Variants in NRG1 observed in about 807,000 individuals in gnomAD.
NRG1 encodes the protein pro-neuregulin-1, membrane-bound isoform.
NRG1 carries 18 observed loss-of-function variants against 63.8 expected under a neutral mutation model. The observed-to-expected ratio is 0.28, with a 90% CI of 0.19 to 0.42. The LOEUF (loss-of-function observed/expected upper bound fraction) is 0.42. Ranked by LOEUF, NRG1 falls within the 10% of genes least tolerant of loss-of-function variation. NRG1 has a pLI of 1.00. For missense variants in NRG1, 762 were observed against 814.7 expected, an observed-to-expected ratio of 0.94 and a Z score of 0.79; for synonymous variants, 302 against 301.3, an observed-to-expected ratio of 1.00 and a Z score of -0.02.
At chr8:31,911,045 A>G (rs552260323) in intron 1 of NRG1, among the ~76,000 whole-genome samples, 16 of 152,264 alleles carry the variant, frequency 1.1e-4, no homozygotes, top group Admixed American at 5.9e-4. Context: ...GAATTTGAAG[A>G]TCCATCCAAG....
At chr8:32,290,871 A>G (rs1033545363) in intron 1 of NRG1, among the ~76,000 whole-genome samples, 1 of 152,134 alleles carries the variant, frequency 6.6e-6, no homozygotes, top group East Asian at 1.9e-4. Context: ...ACATCAAAGG[A>G]TATTTGTATT....
intron 1 of NRG1, among the ~76,000 whole-genome samples, chr8:31,703,968 A>G (rs1810878171): frequency 6.6e-6 from 1 of 152,210 alleles, no homozygotes; most frequent in Non-Finnish European, 1.5e-5. Flanking sequence ...CTCTTGTAAG[A>G]TGTGCTAGCA....
chr8:32,564,877 A>G (rs1266927562), intron 1 of NRG1, among the ~76,000 whole-genome samples: 2 of 152,048 alleles, frequency 1.3e-5, no homozygotes, highest in African/African-American at 4.8e-5. Flanking sequence ...CCTGGGCAAC[A>G]TAGAAAAACA....
chr8:32,317,288 G>A (rs1346835629), intron 1 of NRG1, among the ~76,000 whole-genome samples: 2 of 152,128 alleles, frequency 1.3e-5, no homozygotes, highest in Non-Finnish European at 2.9e-5. Flanking sequence ...ATTTCCCAGG[G>A]TTCTGATTTG....
intron 1 of NRG1, among the ~76,000 whole-genome samples, chr8:32,421,440 A>G (rs577717796): frequency 1.3e-5 from 2 of 152,206 alleles, no homozygotes; most frequent in East Asian, 1.9e-4. Context: ...CAAATGGGAG[A>G]TAATTGCTGG....
intron 5 of NRG1, among the ~76,000 whole-genome samples, chr8:32,660,340 A>G (rs1563883403): frequency 6.6e-6 from 1 of 152,174 alleles, no homozygotes; most frequent in African/African-American, 2.4e-5. Flanking sequence ...TCTCATTCGT[A>G]TATTTATGGA....
chr8:32,417,760 C>A (rs1279817742), intron 1 of NRG1, among the ~76,000 whole-genome samples: 1 of 152,010 alleles, frequency 6.6e-6, no homozygotes, highest in African/African-American at 2.4e-5. Flanking sequence ...ATAGAAGTAG[C>A]TCTAGATCAT....
At chr8:32,153,051 G>A (rs754586458) in intron 1 of NRG1, among the ~76,000 whole-genome samples, 1 of 149,258 alleles carries the variant, frequency 6.7e-6, no homozygotes, top group African/African-American at 2.5e-5. Context: ...TCATGTGCCT[G>A]GGAATGAGAG....
chr8:31,640,600 A>G lies in NRG1; in HGVS notation c.37+1169A>G. On this transcript the variant is annotated intron_variant, in intron 1 of 10. Transcript: ENST00000519301. This position sits in a 1 kb window ranked among gnomAD's most constrained non-coding sequence, Gnocchi z 6.3. ...GAGGCTCAAGGAGGACAGCAGGTACATCTTCTTCATGGAGCCCGACGCCAA... is the reference window on the plus strand; with the variant it reads ...GAGGCTCAAGGAGGACAGCAGGTACGTCTTCTTCATGGAGCCCGACGCCAA... 1.9e-6 allele frequency: 3 copies of G among 1,612,110 alleles called. No homozygotes were observed. Among genetic ancestry groups the G allele is most frequent in the Non-Finnish European group, 2.5e-6 (3 of 1,179,600 alleles).
chr8:31,959,175 G>C (rs148010656), intron 1 of NRG1, among the ~76,000 whole-genome samples: 1 of 152,084 alleles, frequency 6.6e-6, no homozygotes, highest in Non-Finnish European at 1.5e-5. Flanking sequence ...ACAATTTCTC[G>C]TTTGTATTTT....
chr8:32,163,846 G>C (rs183910414), intron 1 of NRG1, among the ~76,000 whole-genome samples: 1 of 152,098 alleles, frequency 6.6e-6, no homozygotes, highest in Non-Finnish European at 1.5e-5. Flanking sequence ...TTCATTTCAC[G>C]CTAGGAAGTC....
intron 1 of NRG1, among the ~76,000 whole-genome samples, chr8:32,181,809 G>A (rs2132109556): frequency 6.6e-6 from 1 of 152,038 alleles, no homozygotes; most frequent in African/African-American, 2.4e-5. Flanking sequence ...GAGATCACCA[G>A]CACAAAAATA....
At chr8:32,727,963 A>G (rs746763346) in exon 6 of NRG1, 2 of 1,614,054 alleles carry the variant, frequency 1.2e-6, no homozygotes, top group Non-Finnish European at 8.5e-7. Flanking sequence ...ATCTACATCC[A>G]CCACTGGGAC....
chr8:32,281,184 C>CTTTTGTTTTTTTTTTTTTT (rs1852782451), intron 1 of NRG1, among the ~76,000 whole-genome samples: 1 of 94,326 alleles, frequency 1.1e-5, no homozygotes. Context: ...GTAGTTTTTC[C>CTTTTGTTTTTTTTTTTTTT]TTTTTTTTTT....
chr8:31,670,387 C>A (rs1407263205), intron 1 of NRG1, among the ~76,000 whole-genome samples: 1 of 152,130 alleles, frequency 6.6e-6, no homozygotes, highest in Non-Finnish European at 1.5e-5. Context: ...CCCAACCTGA[C>A]TTTATCCTTT....
intron 7 of NRG1, among the ~76,000 whole-genome samples, chr8:32,752,820 C>G (rs1828991556): frequency 6.6e-6 from 1 of 151,208 alleles, no homozygotes; most frequent in African/African-American, 2.4e-5. Flanking sequence ...CCACTGACTT[C>G]TCTTTTCCTT....
intron 1 of NRG1, among the ~76,000 whole-genome samples, chr8:32,373,145 G>A (rs890894255): frequency 6.6e-6 from 1 of 152,088 alleles, no homozygotes. Context: ...GGCAGGGAGG[G>A]GGGAAATGAC....
At chr8:32,431,836 G>C (rs1317143021) in intron 1 of NRG1, among the ~76,000 whole-genome samples, 1 of 151,778 alleles carries the variant, frequency 6.6e-6, no homozygotes, top group African/African-American at 2.4e-5. Context: ...AACCATTTTT[G>C]TTCTGATTAT....
intron 1 of NRG1, among the ~76,000 whole-genome samples, chr8:32,342,692 T>A (rs1804224268): frequency 6.6e-6 from 1 of 152,368 alleles, no homozygotes; most frequent in Non-Finnish European, 1.5e-5. Context: ...TATTTAAGAA[T>A]ACAGTTAAAT....
Sources: gnomAD v4.1 joint callset for allele counts (sites outside exome capture counted in the v4.1 genomes callset) on GRCh38, gnomAD v4.1.1 for gene constraint, Gnocchi (gnomAD v3.1) non-coding constraint, MANE v1.5 for transcripts, NCBI Gene and HGNC (gene_info 2026-07-23, HGNC 2026-07-21) for gene names.